The following MAP2K3 variants were observed in gnomAD, a reference collection of about 807,000 sequenced individuals.
MAP2K3 encodes the protein mitogen-activated protein kinase kinase 3.
In MAP2K3, 30 loss-of-function variants were observed where a neutral mutation model predicts 46.4. That is an observed-to-expected ratio of 0.65 (90% CI 0.48 to 0.88). The LOEUF (loss-of-function observed/expected upper bound fraction) is 0.88, where lower values mean the gene tolerates loss of function less well. MAP2K3 is among the 40% of genes least tolerant of loss of function. The probability of loss-of-function intolerance (pLI) is 0.00; values close to 1 mark genes in which losing one functional copy is unlikely to be tolerated. For missense variants in MAP2K3, 380 were observed against 464.5 expected (o/e 0.82, Z 1.67); for synonymous variants, 189 against 176.3 (o/e 1.07, Z -0.57).
At chr17:21,300,380 T>C (rs565034825) in intron 3 of MAP2K3, 165 bp from the exon 4 acceptor site, 5 of 700,620 alleles carry the variant, frequency 7.1e-6, no homozygotes, top group Non-Finnish European at 9.9e-6. Context: ...TCAGAGAGGT[T>C]AAGTGACTTG....
intron 11 of MAP2K3, chr17:21,313,834 C>G (rs1597509563): frequency 1.7e-6 from 1 of 574,010 alleles, no homozygotes; most frequent in Admixed American, 3.0e-5. Flanking sequence ...TGAACTGAGC[C>G]TGGAAGGATG....
intron 1 of MAP2K3, among the ~76,000 whole-genome samples, chr17:21,292,890 T>C (rs1976022552): frequency 6.6e-6 from 1 of 152,312 alleles, no homozygotes; most frequent in Admixed American, 6.5e-5. Context: ...TGCAGGATCC[T>C]CACCAATTCC....
intron 10 of MAP2K3, among the ~76,000 whole-genome samples, chr17:21,312,527 A>G (rs1977213738): frequency 6.6e-6 from 1 of 152,240 alleles, no homozygotes; most frequent in African/African-American, 2.4e-5. Flanking sequence ...AGAACAAAGT[A>G]TATGGAAAAT....
At chr17:21,292,947 A>G (rs1027279387) in intron 1 of MAP2K3, among the ~76,000 whole-genome samples, 1 of 152,312 alleles carries the variant, frequency 6.6e-6, no homozygotes, top group Non-Finnish European at 1.5e-5. Context: ...CAGTTTCCCC[A>G]TCTGCAGCAT....
intron 2 of MAP2K3, 141 bp from the exon 3 acceptor site, chr17:21,298,737 G>T (rs1976412431): frequency 1.6e-6 from 2 of 1,276,432 alleles, no homozygotes; most frequent in South Asian, 1.3e-5. Flanking sequence ...AGCAGCCAGT[G>T]AGAGGAGGTG....
At position 21,314,277 on chromosome 17, in the gene MAP2K3, C is replaced by G. The variant is rs754591217; in HGVS notation, c.*47C>G. The G allele has an allele frequency of 2.0e-6, 3 of 1,504,092 alleles. No homozygotes were observed. The highest frequency in any genetic ancestry group is 2.7e-5 in the African/African-American group (2 of 72,754). 93.2% of individuals were successfully genotyped at this position (1,504,092 alleles called of 1,614,324 possible). A position where few individuals can be genotyped will look rare whatever the true frequency, so the allele number is the denominator to read the frequency against. On this transcript the variant is annotated 3_prime_UTR_variant, in exon 12 of 12. Transcript: ENST00000342679. ...TCCGGCCCTCCAGAGCCCCACAGCC[C>G]CATCTGCGGGGGCAGTGCTCACCCA...
chr17:21,301,828 G>A (rs1422382867), intron 5 of MAP2K3, among the ~76,000 whole-genome samples: 1 of 152,310 alleles, frequency 6.6e-6, no homozygotes, highest in Non-Finnish European at 1.5e-5. Context: ...CCATGGAGCT[G>A]GTGCAGGTGC....
At chr17:21,311,666 G>A (rs907249788) in intron 9 of MAP2K3, 1 of 155,970 alleles carries the variant, frequency 6.4e-6, no homozygotes, top group Non-Finnish European at 1.4e-5. Context: ...CATTTCCCAT[G>A]TGCCTCCTCT....
rs1977327872 is a variant in MAP2K3, at chr17:21,314,761, C to G, written c.*531C>G. 6.5e-6 allele frequency: 1 copy of G among 154,096 alleles called. No individual in the cohort carries two copies. Among genetic ancestry groups the G allele is most frequent in the Non-Finnish European group, 1.4e-5 (1 of 69,160 alleles). The allele number at this position is 154,096 out of a possible 1,614,324, so 9.5% of individuals were successfully genotyped here. ...CCCATGAGGGAGATGCCATGAGCCG[C>G]CCAAGGCCTTCCCCTGGCACTGGCA... On this transcript the variant is annotated 3_prime_UTR_variant, in exon 12 of 12. Transcript: ENST00000342679.
chr17:21,311,946 G>A (rs1977182214), intron 9 of MAP2K3, 196 bp from the exon 10 acceptor site: 1 of 507,432 alleles, frequency 2.0e-6, no homozygotes, highest in African/African-American at 2.0e-5. Flanking sequence ...CCTGCTGGCT[G>A]GGTCGGAGGA....
rs1047156202 is a variant in MAP2K3 at position 21,295,884 on chromosome 17, A to C, written c.50-2529A>C. 1.0e-5 allele frequency: 13 copies of C among 1,281,116 alleles called. No homozygotes were observed. The African/African-American group carries it at 2.0e-4, about 19-fold the overall frequency. 79.4% of individuals were successfully genotyped at this position (1,281,116 alleles called of 1,614,324 possible). On this transcript the variant is annotated intron_variant, in intron 1 of 11. Coordinates refer to ENST00000342679, the MANE Select transcript of MAP2K3 (RefSeq NM_145109.3). ...GAGGGACCAAGAGCAGAGAGAGTGC[A>C]GGGAGGGTGTGGCGTGGACCCCACA...
chr17:21,303,842 G>A (rs886318375), intron 7 of MAP2K3, among the ~76,000 whole-genome samples: 6 of 152,300 alleles, frequency 3.9e-5, no homozygotes, highest in African/African-American at 1.4e-4. Flanking sequence ...GCCCATCCCA[G>A]CCCCCCAGGT....
At chr17:21,302,053 G>A in intron 5 of MAP2K3, 90 bp from the exon 6 acceptor site, 1 of 1,168,364 alleles carries the variant, frequency 8.6e-7, no homozygotes, top group Non-Finnish European at 1.2e-6. Context: ...AGAGGGGGCT[G>A]GGGCTGGGGC....
At chr17:21,299,444 G>A (rs1976462939) in intron 3 of MAP2K3, among the ~76,000 whole-genome samples, 1 of 152,308 alleles carries the variant, frequency 6.6e-6, no homozygotes. Flanking sequence ...CACTTTGGGA[G>A]GCCGTGGCAG....
At chr17:21,304,266 G>C (rs1976765077) in intron 7 of MAP2K3, among the ~76,000 whole-genome samples, 160 bp from the exon 8 acceptor site, 1 of 152,312 alleles carries the variant, frequency 6.6e-6, no homozygotes, top group Non-Finnish European at 1.5e-5. Flanking sequence ...TCAGTTCCCT[G>C]GTCTGACCCT....
rs750271145 is a variant in MAP2K3, at chr17:21,295,652, T to C, written c.50-2761T>C. 9 of 1,289,366 alleles carry C rather than the reference T, an allele frequency of 7.0e-6. No homozygotes were observed. The South Asian group carries it at 1.1e-4, about 16-fold the overall frequency. 79.9% of individuals were successfully genotyped at this position (1,289,366 alleles called of 1,614,324 possible). ...CCCATGGAGCCTGTGGCCCTCCTGATGCAGGCTTGGTGTCCCCAACAGGCC... is the reference window on the plus strand; with the variant it reads ...CCCATGGAGCCTGTGGCCCTCCTGACGCAGGCTTGGTGTCCCCAACAGGCC... On this transcript the variant is annotated intron_variant, in intron 1 of 11. Coordinates refer to ENST00000342679, the MANE Select transcript of MAP2K3 (RefSeq NM_145109.3).
intron 9 of MAP2K3, among the ~76,000 whole-genome samples, chr17:21,307,603 C>T (rs1340838332): frequency 2.6e-5 from 4 of 151,548 alleles, no homozygotes; most frequent in African/African-American, 4.8e-5. Context: ...AGAGAGTTGA[C>T]GCAGGTGTTG....
intron 1 of MAP2K3, among the ~76,000 whole-genome samples, chr17:21,297,560 T>C (rs1400309454): frequency 2.0e-5 from 3 of 152,306 alleles, no homozygotes; most frequent in Non-Finnish European, 4.4e-5. Context: ...GCCTGTGGAA[T>C]GGCGGCTATG....
chr17:21,303,642 A>G (rs1022942100), intron 7 of MAP2K3, among the ~76,000 whole-genome samples: 3 of 152,312 alleles, frequency 2.0e-5, no homozygotes, highest in African/African-American at 7.2e-5. Flanking sequence ...AGGCACCCAC[A>G]AGTCTGGTTT....
Sources: gnomAD v4.1 joint callset for allele counts (sites outside exome capture counted in the v4.1 genomes callset) on GRCh38, gnomAD v4.1.1 for gene constraint, MANE v1.5 for transcripts, NCBI Gene and HGNC (gene_info 2026-07-23, HGNC 2026-07-21) for gene names.